The following STXBP6 variants were observed in gnomAD, a reference collection of about 807,000 sequenced individuals.
The protein encoded by STXBP6 is syntaxin-binding protein 6.
A neutral mutation model predicts 26.9 loss-of-function variants in STXBP6; 21 were observed. The ratio of observed to expected loss-of-function variants is 0.78; its 90% CI spans 0.55 to 1.12. The LOEUF (loss-of-function observed/expected upper bound fraction) is 1.12, where lower values mean the gene tolerates loss of function less well. Ranked by LOEUF, STXBP6 falls within the 50% of genes most tolerant of loss-of-function variation. The probability of loss-of-function intolerance (pLI) is 0.00; values close to 1 mark genes in which losing one functional copy is unlikely to be tolerated. For synonymous variants in STXBP6, 97 were observed against 92.6 expected (o/e 1.05, Z -0.27); for missense variants, 232 against 257.9 (o/e 0.90, Z 0.69).
At chr14:24,931,042 C>T (rs1355544752) in intron 2 of STXBP6, among the ~76,000 whole-genome samples, 6 of 125,566 alleles carry the variant, frequency 4.8e-5, no homozygotes, top group Admixed American at 9.7e-5. Flanking sequence ...ACCCGGGAAG[C>T]GGAGCTTGCA....
At chr14:24,934,716 T>C (rs1275384195) in intron 2 of STXBP6, among the ~76,000 whole-genome samples, 1 of 152,010 alleles carries the variant, frequency 6.6e-6, no homozygotes, top group Non-Finnish European at 1.5e-5. Context: ...CCTGACAAAG[T>C]AAAAATAATA....
intron 1 of STXBP6, among the ~76,000 whole-genome samples, chr14:24,988,553 G>A (rs1391790041): frequency 1.3e-5 from 2 of 152,212 alleles, no homozygotes; most frequent in African/African-American, 2.4e-5. Context: ...AAGTCTGCCT[G>A]CATGGATTAT....
chr14:24,958,612 T>A (rs1033960697), intron 2 of STXBP6, among the ~76,000 whole-genome samples: 1 of 152,154 alleles, frequency 6.6e-6, no homozygotes, highest in Non-Finnish European at 1.5e-5. Flanking sequence ...ACAGTAATTT[T>A]AAAAAAACAC....
intron 2 of STXBP6, among the ~76,000 whole-genome samples, chr14:24,944,179 C>G (rs1312041892): frequency 6.6e-6 from 1 of 152,134 alleles, no homozygotes; most frequent in Non-Finnish European, 1.5e-5. Flanking sequence ...TTATCACATT[C>G]AAAGACGGAG....
intron 2 of STXBP6, among the ~76,000 whole-genome samples, chr14:24,953,042 T>C (rs2073224209): frequency 6.6e-6 from 1 of 152,160 alleles, no homozygotes; most frequent in African/African-American, 2.4e-5. Flanking sequence ...TTCCTTTTTG[T>C]CTAAAGGAGG....
chr14:25,010,767 A>C (rs905229137), intron 1 of STXBP6: 8 of 152,196 alleles, frequency 5.3e-5, no homozygotes, highest in African/African-American at 1.9e-4. Flanking sequence ...GGTCTGTTTG[A>C]TGATTTTTTT....
chr14:25,047,700 C>G (rs1171931667), intron 1 of STXBP6, among the ~76,000 whole-genome samples: 1 of 152,228 alleles, frequency 6.6e-6, no homozygotes, highest in Non-Finnish European at 1.5e-5. Context: ...AGATGCTGCA[C>G]CTGGGGTGGC....
rs369600346 is a variant in STXBP6 at position 24,854,245 on chromosome 14, C to T, written c.451+1691G>A. 7.9e-5 allele frequency among the ~76,000 whole-genome samples: 12 copies of T among 152,132 alleles called. No individual in the cohort carries two copies. The East Asian group carries it at 1.7e-3, about 22-fold the overall frequency. ...TAACCTTAGAATGAAGGAGGTAGCT[C>T]GTTTCCCTTGGAAGGACAGTGAGTG... On this transcript the variant is annotated intron_variant, in intron 4 of 5. Coordinates refer to ENST00000323944, the MANE Select transcript of STXBP6 (RefSeq NM_001394410.1).
chr14:25,041,596 T>G (rs1436595916), intron 1 of STXBP6, among the ~76,000 whole-genome samples: 2 of 151,516 alleles, frequency 1.3e-5, no homozygotes, highest in Non-Finnish European at 2.9e-5. Context: ...AAAAAACAGC[T>G]CACTGATATA....
At chr14:25,018,047 C>G (rs896910813) in intron 1 of STXBP6, among the ~76,000 whole-genome samples, 2 of 152,146 alleles carry the variant, frequency 1.3e-5, no homozygotes, top group African/African-American at 2.4e-5. Flanking sequence ...CCATACACTG[C>G]CCCCCTGCTC....
chr14:25,035,493 T>C (rs536802200), intron 1 of STXBP6, among the ~76,000 whole-genome samples: 1 of 152,318 alleles, frequency 6.6e-6, no homozygotes, highest in African/African-American at 2.4e-5. Context: ...AGATCTGACA[T>C]ATACAACCTA....
intron 4 of STXBP6, among the ~76,000 whole-genome samples, chr14:24,841,477 T>A (rs532356525): frequency 6.6e-6 from 1 of 152,330 alleles, no homozygotes; most frequent in South Asian, 2.1e-4. Context: ...ATTCAGCAAG[T>A]TTTAGCCATC....
intron 1 of STXBP6, among the ~76,000 whole-genome samples, chr14:25,032,292 CCGACATCGCT>C (rs2075472848): frequency 6.6e-6 from 1 of 152,138 alleles, no homozygotes; most frequent in African/African-American, 2.4e-5. Flanking sequence ...GTTCCATCAT[CCGACATCGCT>C]CGACACAGAG....
At chr14:24,956,122 A>C (rs954055926) in intron 2 of STXBP6, among the ~76,000 whole-genome samples, 1 of 152,278 alleles carries the variant, frequency 6.6e-6, no homozygotes, top group Non-Finnish European at 1.5e-5. Flanking sequence ...TGGGTAATTG[A>C]ACATGAAGAA....
At chr14:24,879,439 C>T (rs974474619) in intron 2 of STXBP6, among the ~76,000 whole-genome samples, 13 of 152,096 alleles carry the variant, frequency 8.5e-5, no homozygotes, top group Admixed American at 2.0e-4. Flanking sequence ...TATTATTGAT[C>T]GAAAGATAAA....
chr14:24,871,232 C>G (rs772592790), intron 2 of STXBP6, among the ~76,000 whole-genome samples: 2 of 152,260 alleles, frequency 1.3e-5, no homozygotes, highest in Admixed American at 6.5e-5. Flanking sequence ...CTACTTCTAT[C>G]CCTTCTCCAG....
chr14:24,813,584 G>A (rs1348281616), intron 5 of STXBP6, among the ~76,000 whole-genome samples: 1 of 152,124 alleles, frequency 6.6e-6, no homozygotes, highest in African/African-American at 2.4e-5. Flanking sequence ...CTGTGGTTGG[G>A]GCTGGGAACA....
At position 24,873,699 on chromosome 14, in the gene STXBP6, C is replaced by T. The variant is rs114106118; in HGVS notation, c.155-16542G>A. On this transcript the variant is annotated intron_variant, in intron 2 of 5. Coordinates refer to ENST00000323944, the MANE Select transcript of STXBP6 (RefSeq NM_001394410.1). ...GTTTTTCCTCCTTAGTGTTGGACAACAACCACTAACTTTCTCCCTTTTCCT... is the reference window on the plus strand; with the variant it reads ...GTTTTTCCTCCTTAGTGTTGGACAATAACCACTAACTTTCTCCCTTTTCCT... 8.4e-3 allele frequency among the ~76,000 whole-genome samples: 1,286 copies of T among 152,280 alleles called. 15 individuals are homozygous for T. Among genetic ancestry groups the T allele is most frequent in the African/African-American group, 0.029 (1,212 of 41,562 alleles).
intron 2 of STXBP6, among the ~76,000 whole-genome samples, chr14:24,901,756 A>G (rs572227427): frequency 2.0e-5 from 3 of 152,210 alleles, no homozygotes; most frequent in Admixed American, 2.0e-4. Flanking sequence ...TCAAAACCTA[A>G]AAGAGTTAAT....
Sources: gnomAD v4.1 joint callset for allele counts (sites outside exome capture counted in the v4.1 genomes callset) on GRCh38, gnomAD v4.1.1 for gene constraint, MANE v1.5 for transcripts, NCBI Gene and HGNC (gene_info 2026-07-23, HGNC 2026-07-21) for gene names.